The following CD2AP variants were observed in gnomAD, a reference collection of about 807,000 sequenced individuals.
The protein encoded by CD2AP is CD2-associated protein.
Under a neutral mutation model 85.1 loss-of-function variants are expected in CD2AP, and 46 were observed. That is an observed-to-expected ratio of 0.54 (90% CI 0.43 to 0.69). CD2AP has a LOEUF of 0.69. Ranked by LOEUF, CD2AP falls within the 30% of genes least tolerant of loss-of-function variation. The probability of loss-of-function intolerance (pLI) is 0.00; values close to 1 mark genes in which losing one functional copy is unlikely to be tolerated. For missense variants in CD2AP, 769 were observed against 729.5 expected (o/e 1.05, Z -0.62); for synonymous variants, 255 against 252.9 (o/e 1.01, Z -0.08).
intron 2 of CD2AP, among the ~76,000 whole-genome samples, chr6:47,517,178 C>G (rs1027488986): frequency 6.6e-6 from 1 of 152,190 alleles, no homozygotes; most frequent in African/African-American, 2.4e-5. Context: ...TGCGCCTGCT[C>G]CCCTTTCTTC....
chr6:47,527,190 A>G (rs1207693230), intron 2 of CD2AP, among the ~76,000 whole-genome samples: 1 of 152,216 alleles, frequency 6.6e-6, no homozygotes, highest in Non-Finnish European at 1.5e-5. Context: ...CATGTTCATC[A>G]GAAATCCTAC....
intron 2 of CD2AP, among the ~76,000 whole-genome samples, chr6:47,533,291 C>G (rs1188708004): frequency 6.6e-6 from 1 of 151,828 alleles, no homozygotes; most frequent in African/African-American, 2.4e-5. Flanking sequence ...TTGTTTACCC[C>G]TGACTTTGAA....
At chr6:47,586,732 T>G (rs9369717) in intron 11 of CD2AP, among the ~76,000 whole-genome samples, 33,644 of 151,988 alleles carry the variant, frequency 0.22, 3,900 homozygotes, top group Non-Finnish European at 0.27. Context: ...TTGGTATTAC[T>G]CAAAGCAATG....
At chr6:47,570,679 G>A (rs1343418832) in intron 5 of CD2AP, among the ~76,000 whole-genome samples, 3 of 152,150 alleles carry the variant, frequency 2.0e-5, no homozygotes, top group African/African-American at 7.2e-5. Flanking sequence ...GCCAGGCACT[G>A]TTTAAAGCAC....
At chr6:47,610,949 T>TTATATATATATATATA (rs10580325) in intron 16 of CD2AP, among the ~76,000 whole-genome samples, 74 of 114,174 alleles carry the variant, frequency 6.5e-4, no homozygotes, top group South Asian at 1.1e-3. Context: ...TATTTCTGAT[T>TTATATATATATATATA]TATATATATA....
intron 2 of CD2AP, among the ~76,000 whole-genome samples, chr6:47,508,979 C>A (rs1766249179): frequency 6.6e-6 from 1 of 152,154 alleles, no homozygotes; most frequent in Non-Finnish European, 1.5e-5. Context: ...TAGCTTTTGG[C>A]CTATCTCAAC....
intron 2 of CD2AP, among the ~76,000 whole-genome samples, chr6:47,524,139 A>G (rs2114010867): frequency 6.6e-6 from 1 of 152,304 alleles, no homozygotes; most frequent in South Asian, 2.1e-4. Context: ...CTTAATCTGG[A>G]AAGTTACATT....
rs554619781 is a variant in CD2AP at position 47,529,899 on chromosome 6, T to A, written c.166-3703T>A. On this transcript the variant is annotated intron_variant, in intron 2 of 17. Transcript: ENST00000359314. The stretch of plus-strand genomic sequence containing the variant: ...CTTGAATTTTACCACCCTTATCATC[T>A]TTCCCTTCCTTCCATGCTCCAGGCA... Among the ~76,000 whole-genome samples, 26 of 152,340 alleles carry A rather than the reference T, an allele frequency of 1.7e-4. No individual in the cohort carries two copies. The South Asian group carries it at 5.2e-3, about 30-fold the overall frequency.
intron 2 of CD2AP, among the ~76,000 whole-genome samples, chr6:47,514,344 T>C (rs907701741): frequency 3.3e-5 from 5 of 152,252 alleles, no homozygotes; most frequent in Non-Finnish European, 7.3e-5. Context: ...TAATTTGTTA[T>C]GTTTAAGAAG....
At chr6:47,511,826 C>T (rs181506052) in intron 2 of CD2AP, among the ~76,000 whole-genome samples, 29 of 152,178 alleles carry the variant, frequency 1.9e-4, no homozygotes, top group East Asian at 1.5e-3. Context: ...TTAAGGTGCA[C>T]GTTCATCCTG....
At chr6:47,622,164 A>C (rs1431729623) in intron 17 of CD2AP, among the ~76,000 whole-genome samples, 1 of 152,154 alleles carries the variant, frequency 6.6e-6, no homozygotes, top group East Asian at 1.9e-4. Flanking sequence ...GCTCCCACGC[A>C]AACTGAAGGA....
At chr6:47,567,561 CA>C (rs994074871) in intron 5 of CD2AP, among the ~76,000 whole-genome samples, 8 of 151,944 alleles carry the variant, frequency 5.3e-5, no homozygotes, top group African/African-American at 1.9e-4. Flanking sequence ...ATATTTGTTA[CA>C]GGAAAGGGTG....
chr6:47,592,087 C>T (rs1050199740), intron 11 of CD2AP, among the ~76,000 whole-genome samples: 1 of 152,158 alleles, frequency 6.6e-6, no homozygotes, highest in Non-Finnish European at 1.5e-5. Flanking sequence ...GCCCCCATCT[C>T]AGCCTCCCAA....
chr6:47,609,231 A>G lies in CD2AP; in HGVS notation c.1741A>G (p.Asn581Asp). 2.5e-6 allele frequency: 4 copies of G among 1,613,772 alleles called. No individual in the cohort carries two copies. The highest frequency in any genetic ancestry group is 3.4e-6 in the Non-Finnish European group (4 of 1,179,802). Residue 581 changes from asparagine (N) to aspartate (D), a missense_variant, in exon 16 of 18, where the codon AAT (asparagine) becomes GAT (aspartate). Physicochemically the swap from Asn to Asp is conservative, Grantham distance 23. Coordinates refer to ENST00000359314, the MANE Select transcript of CD2AP (RefSeq NM_012120.3). ...AKVETDDVKK[N>D]SLDELRAQII... Reference sequence around the variant, plus strand: ...AGTGGAAACAGATGATGTGAAAAAAAATTCCCTGGATGAACTTAGAGCCCA... The same window carrying G: ...AGTGGAAACAGATGATGTGAAAAAAGATTCCCTGGATGAACTTAGAGCCCA...
chr6:47,495,771 C>T (rs924893369), intron 1 of CD2AP, among the ~76,000 whole-genome samples: 3 of 152,166 alleles, frequency 2.0e-5, no homozygotes, highest in African/African-American at 4.8e-5. Context: ...GGAGCTGAAA[C>T]TGCCAGTTGA....
intron 6 of CD2AP, 71 bp from the exon 7 acceptor site, chr6:47,576,453 T>C (rs1768315784): frequency 1.9e-6 from 2 of 1,044,498 alleles, no homozygotes; most frequent in African/African-American, 1.6e-5. Context: ...TAACTGTAAA[T>C]GGAAACTTTG....
At chr6:47,584,202 G>A (rs9349416) in intron 11 of CD2AP, among the ~76,000 whole-genome samples, 40,885 of 151,896 alleles carry the variant, frequency 0.27, 5,688 homozygotes, top group African/African-American at 0.33. Context: ...TTTCTTCACA[G>A]AGCAGAAGTT....
At chr6:47,510,205 T>TA (rs1345944139) in intron 2 of CD2AP, among the ~76,000 whole-genome samples, 6 of 152,202 alleles carry the variant, frequency 3.9e-5, no homozygotes, top group Non-Finnish European at 7.3e-5. Flanking sequence ...TACAGGTAGA[T>TA]ACAGGAATGG....
intron 2 of CD2AP, among the ~76,000 whole-genome samples, chr6:47,530,668 G>A (rs1166302786): frequency 2.0e-5 from 3 of 152,108 alleles, no homozygotes; most frequent in Non-Finnish European, 4.4e-5. Flanking sequence ...AAAATGTACA[G>A]TACTGTGAGA....
Sources: gnomAD v4.1 joint callset for allele counts (sites outside exome capture counted in the v4.1 genomes callset) on GRCh38, gnomAD v4.1.1 for gene constraint, MANE v1.5 for transcripts, NCBI Gene and HGNC (gene_info 2026-07-23, HGNC 2026-07-21) for gene names.